Variants in KCNIP4 observed in about 807,000 individuals in gnomAD.
KCNIP4 encodes the protein potassium voltage-gated channel interacting protein 4, also known as Kv channel-interacting protein 4.
Under a neutral mutation model 34.0 loss-of-function variants are expected in KCNIP4, and 12 were observed. The observed-to-expected ratio is 0.35, with a 90% confidence interval of 0.23 to 0.57. The LOEUF (loss-of-function observed/expected upper bound fraction) is 0.57, where lower values mean the gene tolerates loss of function less well. Ranked by LOEUF, KCNIP4 falls within the 20% of genes least tolerant of loss-of-function variation. The pLI is 0.83. For missense variants in KCNIP4, 238 were observed against 311.7 expected (o/e 0.76, Z 1.78); for synonymous variants, 124 against 102.2 (o/e 1.21, Z -1.29).
At chr4:20,981,346 T>C (rs1413351823) in intron 1 of KCNIP4, among the ~76,000 whole-genome samples, 1 of 152,242 alleles carries the variant, frequency 6.6e-6, no homozygotes, top group Non-Finnish European at 1.5e-5. Flanking sequence ...CAGAGCCTTG[T>C]AGAAATTACA....
chr4:20,867,437 T>G (rs1374897290), intron 2 of KCNIP4, among the ~76,000 whole-genome samples: 1 of 152,102 alleles, frequency 6.6e-6, no homozygotes, highest in Admixed American at 6.6e-5. Context: ...GGACTCCCTA[T>G]TCAATAAATG....
At chr4:20,930,211 A>G (rs1036916664) in intron 1 of KCNIP4, among the ~76,000 whole-genome samples, 1 of 152,100 alleles carries the variant, frequency 6.6e-6, no homozygotes, top group African/African-American at 2.4e-5. Flanking sequence ...ATAGAGAGCC[A>G]GAAACTTAAC....
chr4:20,905,522 T>TTTTTTTTG (rs768668990), intron 1 of KCNIP4, among the ~76,000 whole-genome samples: 4 of 111,188 alleles, frequency 3.6e-5, no homozygotes, highest in Middle Eastern at 5.3e-3. Context: ...TTTTTTTTTT[T>TTTTTTTTG]TTTGTTTGAG....
chr4:21,421,265 T>G (rs1725428945), intron 1 of KCNIP4, among the ~76,000 whole-genome samples: 1 of 152,158 alleles, frequency 6.6e-6, no homozygotes, highest in Non-Finnish European at 1.5e-5. Context: ...GCAATCTCAT[T>G]TCTGGGTATA....
chr4:20,977,892 C>T lies in KCNIP4; in HGVS notation c.62-95183G>A, dbSNP rs961412295. 6.6e-5 allele frequency among the ~76,000 whole-genome samples: 10 copies of T among 152,308 alleles called. No homozygotes were observed. In the East Asian group the frequency reaches 1.9e-3, roughly 29 times the overall value. On this transcript the variant is annotated intron_variant, in intron 1 of 8. Transcript: ENST00000382152. Reference sequence around the variant, plus strand: ...CTTTGAGTTTTCTAAAGGCCTTACTCCCTCTCACAATACTTTTTCATCTTG... The same window carrying T: ...CTTTGAGTTTTCTAAAGGCCTTACTTCCTCTCACAATACTTTTTCATCTTG...
At chr4:21,882,128 A>T (rs1375097324) in intron 1 of KCNIP4, among the ~76,000 whole-genome samples, 1 of 152,152 alleles carries the variant, frequency 6.6e-6, no homozygotes, top group East Asian at 1.9e-4. Context: ...TGTATGTGAG[A>T]TGTTACCTCC....
intron 1 of KCNIP4, among the ~76,000 whole-genome samples, chr4:21,086,993 T>G (rs28638354): frequency 7.2e-6 from 1 of 139,744 alleles, no homozygotes; most frequent in Non-Finnish European, 1.5e-5. Context: ...TTCTTTCTTT[T>G]TTTTTTTTTT....
intron 1 of KCNIP4, among the ~76,000 whole-genome samples, chr4:21,901,499 C>T (rs978656279): frequency 1.3e-5 from 2 of 152,106 alleles, no homozygotes; most frequent in Admixed American, 6.6e-5. Context: ...TGTGCCCACA[C>T]CCCATGAGGT....
intron 1 of KCNIP4, among the ~76,000 whole-genome samples, chr4:20,922,518 T>A (rs569622859): frequency 1.3e-5 from 1 of 78,546 alleles, no homozygotes; most frequent in Non-Finnish European, 2.6e-5. Flanking sequence ...ATAGTGTGAC[T>A]GTCTGTCTGT....
At chr4:21,207,835 T>C (rs868740682) in intron 1 of KCNIP4, among the ~76,000 whole-genome samples, 8 of 146,710 alleles carry the variant, frequency 5.5e-5, no homozygotes, top group African/African-American at 2.2e-4. Flanking sequence ...TTCTCCTTTT[T>C]TCTTTTTCTT....
At chr4:21,178,003 G>T (rs1754551901) in intron 1 of KCNIP4, among the ~76,000 whole-genome samples, 1 of 151,984 alleles carries the variant, frequency 6.6e-6, no homozygotes, top group Admixed American at 6.6e-5. Flanking sequence ...GCTTGAGCAA[G>T]ACAAATCTAT....
chr4:21,263,637 C>T (rs1036425936), intron 1 of KCNIP4, among the ~76,000 whole-genome samples: 32 of 152,126 alleles, frequency 2.1e-4, no homozygotes, highest in African/African-American at 6.8e-4. Flanking sequence ...ACTTGTATAA[C>T]TCTAAATGTA....
chr4:21,896,933 TAATAAATAAATA>T (rs57096209), intron 1 of KCNIP4, among the ~76,000 whole-genome samples: 1,501 of 147,380 alleles, frequency 0.01, 24 homozygotes, highest in African/African-American at 0.033. Context: ...CATAAATAAA[TAATAAATAAATA>T]AATAAATAAA....
At chr4:20,732,633 A>C in intron 7 of KCNIP4, 48 bp downstream of exon 7, 2 of 1,242,994 alleles carry the variant, frequency 1.6e-6, no homozygotes, top group Non-Finnish European at 2.4e-6. Context: ...AACATCAGGA[A>C]ATTTTCTCCT....
intron 1 of KCNIP4, among the ~76,000 whole-genome samples, chr4:21,751,957 T>C (rs923923484): frequency 1.3e-5 from 2 of 152,328 alleles, no homozygotes; most frequent in African/African-American, 4.8e-5. Flanking sequence ...TCTACTGTTC[T>C]GCAGGTGGTA....
Position 21,676,646 on chromosome 4 carries a change from T to G in KCNIP4, c.61+271925A>C, listed in dbSNP as rs534048192. On this transcript the variant is annotated intron_variant, in intron 1 of 8. Transcript: ENST00000382152. ...CATGTTCCAGGTCTATTTTATGCTA[T>G]GTAACTTTTTTGTAGACAACATTAA... 5.5e-4 allele frequency among the ~76,000 whole-genome samples: 84 copies of G among 152,358 alleles called. 1 individual carries two copies. The highest frequency in any genetic ancestry group is 3.9e-3 in the South Asian group (19 of 4,832).
chr4:21,813,813 G>A (rs528507810), intron 1 of KCNIP4, among the ~76,000 whole-genome samples: 4 of 152,126 alleles, frequency 2.6e-5, no homozygotes, highest in East Asian at 1.9e-4. Context: ...TTTATCCTTC[G>A]TTTGATGAGC....
intron 3 of KCNIP4, among the ~76,000 whole-genome samples, chr4:20,798,910 C>T (rs1713852740): frequency 6.6e-6 from 1 of 152,142 alleles, no homozygotes; most frequent in Non-Finnish European, 1.5e-5. Flanking sequence ...AACACTGTGC[C>T]CTGGCCTCAC....
At chr4:21,560,610 T>C (rs1331698470) in intron 1 of KCNIP4, among the ~76,000 whole-genome samples, 1 of 152,092 alleles carries the variant, frequency 6.6e-6, no homozygotes, top group African/African-American at 2.4e-5. Context: ...AAACTCAGCA[T>C]ATATAGCTCT....
Sources: gnomAD v4.1 joint callset for allele counts (sites outside exome capture counted in the v4.1 genomes callset) on GRCh38, gnomAD v4.1.1 for gene constraint, MANE v1.5 for transcripts, NCBI Gene and HGNC (gene_info 2026-07-23, HGNC 2026-07-21) for gene names.